The following IGDCC3 variants were observed in gnomAD, a reference collection of about 807,000 sequenced individuals.
IGDCC3 encodes immunoglobulin superfamily DCC subclass member 3, also known as putative neuronal cell adhesion molecule.
A neutral mutation model predicts 72.0 loss-of-function variants in IGDCC3; 47 were observed. The ratio of observed to expected loss-of-function variants is 0.65; its 90% CI spans 0.52 to 0.83. The LOEUF (loss-of-function observed/expected upper bound fraction) is 0.83. IGDCC3 is among the 40% of genes least tolerant of loss of function. The probability of loss-of-function intolerance (pLI) is 0.00; values close to 1 mark genes in which losing one functional copy is unlikely to be tolerated. For synonymous variants in IGDCC3, 477 were observed against 472.8 expected, an observed-to-expected ratio of 1.01 and a Z score of -0.11; for missense variants, 1,038 against 1,091.3, an observed-to-expected ratio of 0.95 and a Z score of 0.69.
chr15:65,362,076 A>C (rs1370291913), intron 2 of IGDCC3, among the ~76,000 whole-genome samples: 2 of 151,476 alleles, frequency 1.3e-5, no homozygotes, highest in Non-Finnish European at 2.9e-5. Context: ...CAAAACTTTC[A>C]TCCTGACATT....
Position 65,329,438 on chromosome 15 carries a change from C to T in IGDCC3, c.2157G>A (p.Gln719=), listed in dbSNP as rs1161795301. The T allele has an allele frequency of 1.4e-5, 22 of 1,607,058 alleles. No homozygotes were observed. Among genetic ancestry groups the T allele is most frequent in the Admixed American group, 1.7e-5 (1 of 58,190 alleles). ...EKRVDMKELE[Q]LFPPASAAGQ... The stretch of plus-strand genomic sequence containing the variant: ...CTGCTGCGCTGGCCGGGGGGAACAG[C>T]TGCTCCAGCTCCTTCATATCCACAC... The change falls in exon 13 of 14, where the codon CAG becomes CAA. Residue 719 remains glutamine (Q), a synonymous_variant. Coordinates refer to ENST00000327987, the MANE Select transcript of IGDCC3 (RefSeq NM_004884.4). This position sits in a 1 kb window ranked among gnomAD's most constrained non-coding sequence, Gnocchi z 4.1.
intron 2 of IGDCC3, among the ~76,000 whole-genome samples, chr15:65,374,721 A>G (rs1326181628): frequency 6.6e-6 from 1 of 152,208 alleles, no homozygotes; most frequent in Non-Finnish European, 1.5e-5. Context: ...AATTTCTTTA[A>G]TCACCCTTAA....
chr15:65,350,683 A>G (rs1331710794), intron 2 of IGDCC3, among the ~76,000 whole-genome samples: 1 of 151,910 alleles, frequency 6.6e-6, no homozygotes, highest in Non-Finnish European at 1.5e-5. Context: ...GCTGGTCTCG[A>G]ACTCCTGACC....
chr15:65,352,487 G>T (rs980076467), intron 2 of IGDCC3, among the ~76,000 whole-genome samples: 1 of 152,224 alleles, frequency 6.6e-6, no homozygotes, highest in Non-Finnish European at 1.5e-5. Context: ...AACTCATCTC[G>T]TACCTTGCCT....
At chr15:65,351,229 T>TATA (rs936768026) in intron 2 of IGDCC3, among the ~76,000 whole-genome samples, 1 of 152,236 alleles carries the variant, frequency 6.6e-6, no homozygotes, top group African/African-American at 2.4e-5. Context: ...TGTAAAGGGT[T>TATA]ATAAAAGGTT....
Position 65,339,676 on chromosome 15 carries a change from C to T in IGDCC3, c.410-3720G>A, listed in dbSNP as rs146455243. ...AGGGCACCCTGAGATCTGAACAAGT[C>T]ACCCTGCAGGCCACTGTGTTGCTGA... is the stretch of plus-strand genomic sequence containing the variant. On this transcript the variant is annotated intron_variant, in intron 2 of 13. Coordinates refer to ENST00000327987, the MANE Select transcript of IGDCC3 (RefSeq NM_004884.4). The surrounding 1 kb of genome is among the most constrained non-coding windows in gnomAD (Gnocchi z 4.1). Among the ~76,000 whole-genome samples, 432 of 152,346 alleles carry T rather than the reference C, an allele frequency of 2.8e-3. 1 individual carries two copies. The highest frequency in any genetic ancestry group is 9.1e-3 in the South Asian group (44 of 4,826).
chr15:65,345,365 G>A (rs947580036), intron 2 of IGDCC3, among the ~76,000 whole-genome samples: 1 of 152,076 alleles, frequency 6.6e-6, no homozygotes, highest in Non-Finnish European at 1.5e-5. Context: ...ACCAGCTTGG[G>A]CAACATGGTG....
chr15:65,376,395 A>G (rs1273859965), intron 1 of IGDCC3, among the ~76,000 whole-genome samples: 3 of 152,224 alleles, frequency 2.0e-5, no homozygotes. Context: ...AACTTACCAG[A>G]CCAGTTACAA....
Position 65,331,567 on chromosome 15 carries a change from C to T in IGDCC3, c.1241G>A (p.Arg414Lys). 3 of 1,613,760 alleles carry T rather than the reference C, an allele frequency of 1.9e-6. No homozygotes were observed. Among genetic ancestry groups the T allele is most frequent in the Non-Finnish European group, 2.5e-6 (3 of 1,179,894 alleles). ...CCCCTCAGCCCACAGTACGGTCAGC[C>T]TGGCACTGGCCTGTGATGAGCCCGC... ...NSAGSSQASA[R>K]LTVLWAEGLP... Residue 414 changes from arginine to lysine, a missense_variant, in exon 8 of 14, where the codon AGG (arginine) becomes AAG (lysine). Arg to Lys is a conservative substitution (Grantham distance 26, BLOSUM62 2). Coordinates refer to ENST00000327987, the MANE Select transcript of IGDCC3 (RefSeq NM_004884.4).
chr15:65,335,403 C>G lies in IGDCC3; in HGVS notation c.573G>C (p.Lys191Asn). The change falls in exon 4 of 14, where the codon AAG becomes AAC. Residue 191 changes from lysine (K) to asparagine (N), a missense_variant. Coordinates refer to ENST00000327987, the MANE Select transcript of IGDCC3 (RefSeq NM_004884.4). ...GAAGTCCTGTGATCTGCAGGACCCC[C>G]TTGGGCAGCAATGTGTACCTGTTGA... ...TDNERYTLLP[K>N]GVLQITGLRA... is the part of the protein sequence containing the mutation. 5 of 1,612,522 alleles carry G rather than the reference C, an allele frequency of 3.1e-6. No individual in the cohort carries two copies. In the African/African-American group the frequency reaches 5.3e-5, roughly 17 times the overall value.
At chr15:65,352,641 G>A (rs1474677397) in intron 2 of IGDCC3, among the ~76,000 whole-genome samples, 1 of 152,176 alleles carries the variant, frequency 6.6e-6, no homozygotes, top group Non-Finnish European at 1.5e-5. Context: ...CAAGCCCATG[G>A]CAGGGCTCAG....
At chr15:65,372,545 C>G (rs2091332751) in intron 2 of IGDCC3, among the ~76,000 whole-genome samples, 1 of 152,204 alleles carries the variant, frequency 6.6e-6, no homozygotes, top group African/African-American at 2.4e-5. Flanking sequence ...CCGCCTCTGG[C>G]CCGGAGCTCA....
intron 2 of IGDCC3, among the ~76,000 whole-genome samples, chr15:65,367,805 A>G (rs992994974): frequency 6.6e-6 from 1 of 152,128 alleles, no homozygotes; most frequent in Non-Finnish European, 1.5e-5. Flanking sequence ...TCAAGGGAAG[A>G]GGGATTCCAC....
intron 2 of IGDCC3, chr15:65,355,935 C>G (rs2091217066): frequency 3.4e-6 from 1 of 297,278 alleles, no homozygotes; most frequent in African/African-American, 2.3e-5. Context: ...ACTGAGGAAG[C>G]GGTGCCTGTC....
At chr15:65,341,145 G>A (rs2091077759) in intron 2 of IGDCC3, among the ~76,000 whole-genome samples, 1 of 152,196 alleles carries the variant, frequency 6.6e-6, no homozygotes, top group Middle Eastern at 3.2e-3. Context: ...ATTAAAAAAA[G>A]AGAGAGAGAA....
intron 2 of IGDCC3, among the ~76,000 whole-genome samples, chr15:65,346,697 G>A (rs1415122536): frequency 1.3e-5 from 2 of 152,174 alleles, no homozygotes; most frequent in African/African-American, 2.4e-5. Context: ...GACCTCAGGT[G>A]ATCCGCCTGC....
Position 65,329,204 on chromosome 15 carries a change from CA to C in IGDCC3, c.2206-57del. The C allele has an allele frequency of 1.3e-6, 2 of 1,555,210 alleles. No homozygotes were observed. The highest frequency in any genetic ancestry group is 2.5e-5 in the South Asian group (2 of 81,494). On this transcript the variant is annotated intron_variant, in intron 13 of 13. Coordinates refer to ENST00000327987, the MANE Select transcript of IGDCC3 (RefSeq NM_004884.4). This position sits in a 1 kb window ranked among gnomAD's most constrained non-coding sequence, Gnocchi z 4.1. The stretch of plus-strand genomic sequence containing the variant: ...GCTTGAGGGCCAGGGCGCCAGGCTC[CA>C]ACTCACCCCACTTGGGCCTTAGGGT...
chr15:65,349,784 C>A (rs1298407524), intron 2 of IGDCC3, among the ~76,000 whole-genome samples: 1 of 152,080 alleles, frequency 6.6e-6, no homozygotes, highest in African/African-American at 2.4e-5. Flanking sequence ...CATAGTAACT[C>A]AAAAAATCAT....
rs1165230705 is a variant in IGDCC3, at chr15:65,367,617, G to GC, written c.409+7479dup. Among the ~76,000 whole-genome samples the GC allele has an allele frequency of 5.9e-5, 9 of 152,070 alleles. No individual in the cohort carries two copies. The East Asian group carries it at 1.7e-3, about 29-fold the overall frequency. On this transcript the variant is annotated intron_variant, in intron 2 of 13. Coordinates refer to ENST00000327987, the MANE Select transcript of IGDCC3 (RefSeq NM_004884.4). ...CACACCCAAACACCCCAAATGTAAGGCCTCCCGCCACCCGCTGGCCACTCT... is the reference window on the plus strand; with the variant it reads ...CACACCCAAACACCCCAAATGTAAGGCCCTCCCGCCACCCGCTGGCCACTCT...
Sources: allele counts gnomAD v4.1 joint callset (sites outside exome capture counted in the v4.1 genomes callset), GRCh38; gene constraint gnomAD v4.1.1; non-coding constraint Gnocchi (gnomAD v3.1); transcripts MANE v1.5; gene names NCBI Gene and HGNC (gene_info 2026-07-23, HGNC 2026-07-21).